COL4A3: variants seen among roughly 807,000 people sequenced by gnomAD.
COL4A3 encodes the protein collagen alpha-3(IV) chain.
In COL4A3, 135 loss-of-function variants were observed where a neutral mutation model predicts 217.4. The ratio of observed to expected loss-of-function variants is 0.62; its 90% CI spans 0.54 to 0.72. The LOEUF is 0.72. Ranked by LOEUF, COL4A3 falls within the 30% of genes least tolerant of loss-of-function variation. The probability of loss-of-function intolerance (pLI) is 0.00; values close to 1 mark genes in which losing one functional copy is unlikely to be tolerated. For missense variants in COL4A3, 1,868 were observed against 2,119.9 expected, an observed-to-expected ratio of 0.88 and a Z score of 2.33; for synonymous variants, 690 against 736.3, an observed-to-expected ratio of 0.94 and a Z score of 1.02.
rs2066941298 is a variant in COL4A3, at chr2:227,203,473, G to GTGTATACATATGTGTGTATATGTGTA, written c.88-34493_88-34468dup. ...TACATACATATATGTGTGTATATAT[G>GTGTATACATATGTGTGTATATGTGTA]TGTATACATATGTGTGTATATGTGT... On this transcript the variant is annotated intron_variant, in intron 1 of 51. Coordinates refer to ENST00000396578, the MANE Select transcript of COL4A3 (RefSeq NM_000091.5). 5.5e-5 allele frequency among the ~76,000 whole-genome samples: 2 copies of GTGTATACATATGTGTGTATATGTGTA among 36,530 alleles called. 1 individual carries two copies. Among genetic ancestry groups the GTGTATACATATGTGTGTATATGTGTA allele is most frequent in the Non-Finnish European group, 9.8e-5 (2 of 20,368 alleles). The allele number at this position is 36,530 out of a possible 152,430, so 24.0% of individuals were successfully genotyped here. A position where few individuals can be genotyped will look rare whatever the true frequency, so the allele number is the denominator to read the frequency against.
At chr2:227,311,673 C>A (rs1302584792) in intron 51 of COL4A3, 113 bp from the exon 52 acceptor site, 4 of 1,046,570 alleles carry the variant, frequency 3.8e-6, no homozygotes, top group South Asian at 2.8e-5. Flanking sequence ...CCACCACGCC[C>A]GACCCTGTAA....
At chr2:227,255,707 G>C (rs933820853) in intron 15 of COL4A3, among the ~76,000 whole-genome samples, 6 of 151,988 alleles carry the variant, frequency 3.9e-5, no homozygotes, top group Non-Finnish European at 8.8e-5. Flanking sequence ...TGCCCAGTGT[G>C]TGTGTGTTTT....
chr2:227,168,213 G>T (rs2065345487), intron 1 of COL4A3, among the ~76,000 whole-genome samples: 1 of 152,168 alleles, frequency 6.6e-6, no homozygotes. Flanking sequence ...ACTAGAATTT[G>T]AATTCCTAAG....
intron 1 of COL4A3, among the ~76,000 whole-genome samples, chr2:227,188,528 T>C (rs1214783195): frequency 6.6e-6 from 1 of 151,986 alleles, no homozygotes; most frequent in Non-Finnish European, 1.5e-5. Context: ...GTAACAGAGT[T>C]ACAGCAGTTT....
At chr2:227,288,545 G>A (rs1212760908) in intron 34 of COL4A3, among the ~76,000 whole-genome samples, 3 of 152,106 alleles carry the variant, frequency 2.0e-5, no homozygotes, top group Non-Finnish European at 4.4e-5. Context: ...CTGTGATTCT[G>A]GCCTTTGACT....
At chr2:227,286,049 G>C (rs1261510973) in intron 34 of COL4A3, among the ~76,000 whole-genome samples, 2 of 152,214 alleles carry the variant, frequency 1.3e-5, no homozygotes, top group East Asian at 3.8e-4. Flanking sequence ...AGGCTGCGTG[G>C]CAGACTTAGG....
At chr2:227,232,869 TA>T (rs2068484031) in intron 1 of COL4A3, among the ~76,000 whole-genome samples, 1 of 152,176 alleles carries the variant, frequency 6.6e-6, no homozygotes, top group Non-Finnish European at 1.5e-5. Context: ...AAAGATTTGA[TA>T]AAATGAAATT....
At chr2:227,288,087 T>C (rs1489239371) in intron 34 of COL4A3, among the ~76,000 whole-genome samples, 2 of 152,100 alleles carry the variant, frequency 1.3e-5, no homozygotes, top group South Asian at 2.1e-4. Flanking sequence ...GTAATAGAGA[T>C]TCAGTGACTA....
At chr2:227,175,233 A>G (rs924719478) in intron 1 of COL4A3, among the ~76,000 whole-genome samples, 1 of 152,196 alleles carries the variant, frequency 6.6e-6, no homozygotes, top group Admixed American at 6.5e-5. Flanking sequence ...GCACTTTGGG[A>G]GGCCAAGGTG....
intron 38 of COL4A3, chr2:227,293,794 T>C: frequency 2.1e-6 from 1 of 471,178 alleles, no homozygotes; most frequent in Non-Finnish European, 4.4e-6. Context: ...TGGTTTCTTG[T>C]GGGGCCCCTG....
Position 227,308,021 on chromosome 2 carries a change from T to C in COL4A3, c.4462+102T>C, listed in dbSNP as rs975372300. Reference sequence around the variant, plus strand: ...CTCTGAAGTTAAGTGTAAATAACCTTGAGTGTCTCCTGATACATTTTAAAG... The same window carrying C: ...CTCTGAAGTTAAGTGTAAATAACCTCGAGTGTCTCCTGATACATTTTAAAG... On this transcript the variant is annotated intron_variant, in intron 48 of 51. Coordinates refer to ENST00000396578, the MANE Select transcript of COL4A3 (RefSeq NM_000091.5). 23 of 979,542 alleles carry C rather than the reference T, an allele frequency of 2.3e-5. No individual in the cohort carries two copies. The Admixed American group carries it at 3.8e-4, about 16-fold the overall frequency. 60.7% of individuals were successfully genotyped at this position (979,542 alleles called of 1,614,324 possible). A position where few individuals can be genotyped will look rare whatever the true frequency, so the allele number is the denominator to read the frequency against.
chr2:227,282,371 G>A lies in COL4A3; in HGVS notation c.2495G>A (p.Arg832Lys). The A allele has an allele frequency of 1.9e-6, 3 of 1,612,034 alleles. No individual in the cohort carries two copies. Among genetic ancestry groups the A allele is most frequent in the Non-Finnish European group, 2.5e-6 (3 of 1,179,398 alleles). The change falls in exon 32 of 52, where the codon AGA becomes AAA. Residue 832 changes from arginine (R) to lysine (K), a missense_variant. By Grantham distance (26) the Arg-to-Lys change is conservative (BLOSUM62 2). Coordinates refer to ENST00000396578, the MANE Select transcript of COL4A3 (RefSeq NM_000091.5). This position sits in a 1 kb window ranked among gnomAD's most constrained non-coding sequence, Gnocchi z 4.4. ...LNGLKGQQGR[R>K]GKTGPKGDPG... ...TTCATTTATTCGTACACAGGCAGAAGAGGTAAAACGGGGCCAAAGGGAGAC... is the reference window on the plus strand; with the variant it reads ...TTCATTTATTCGTACACAGGCAGAAAAGGTAAAACGGGGCCAAAGGGAGAC...
At chr2:227,194,180 T>C (rs919304250) in intron 1 of COL4A3, among the ~76,000 whole-genome samples, 9 of 152,146 alleles carry the variant, frequency 5.9e-5, no homozygotes, top group African/African-American at 2.2e-4. Context: ...ATCATCAGCA[T>C]CCCAATAAGA....
In COL4A3 at chr2:227,248,484, A is replaced by C. The variant is rs774154890; in HGVS notation, c.510A>C (p.Lys170Asn). 5 of 1,613,210 alleles carry C rather than the reference A, an allele frequency of 3.1e-6. No homozygotes were observed. Among genetic ancestry groups the C allele is most frequent in the Non-Finnish European group, 2.5e-6 (3 of 1,179,442 alleles). Residue 170 changes from lysine (K) to asparagine (N), a missense_variant, in exon 9 of 52, where the codon AAA becomes AAC. Transcript: ENST00000396578. Reference sequence around the variant, plus strand: ...AAGAAGATATAGAACTTGATGCAAAAGGCGACCCCGGGTTGCCAGGGGCTC... The same window carrying C: ...AAGAAGATATAGAACTTGATGCAAACGGCGACCCCGGGTTGCCAGGGGCTC... ...AKEEDIELDA[K>N]GDPGLPGAPG...
intron 1 of COL4A3, among the ~76,000 whole-genome samples, chr2:227,203,798 C>T (rs2066987283): frequency 6.7e-6 from 1 of 150,118 alleles, no homozygotes; most frequent in Admixed American, 6.7e-5. Context: ...TATATATATA[C>T]ACTACAGTAG....
At chr2:227,294,143 C>CT (rs370388602) in intron 38 of COL4A3, 3 of 303,792 alleles carry the variant, frequency 9.9e-6, no homozygotes, top group African/African-American at 6.5e-5. Flanking sequence ...AACTGTGAAA[C>CT]TATCGGGTTG....
intron 1 of COL4A3, among the ~76,000 whole-genome samples, chr2:227,236,409 A>G (rs989853303): frequency 1.3e-5 from 2 of 150,578 alleles, no homozygotes; most frequent in Non-Finnish European, 3.0e-5. Context: ...TCAGTTAAAG[A>G]TACTCTTGTT....
At chr2:227,264,188 A>C (rs1559879264) in intron 21 of COL4A3, among the ~76,000 whole-genome samples, 1 of 152,224 alleles carries the variant, frequency 6.6e-6, no homozygotes, top group Non-Finnish European at 1.5e-5. Context: ...AGGGACAAAG[A>C]GAGTGATGTG....
chr2:227,306,653 T>A (rs149978284), intron 47 of COL4A3, among the ~76,000 whole-genome samples: 21 of 151,870 alleles, frequency 1.4e-4, no homozygotes, highest in Admixed American at 4.6e-4. Context: ...TCAGAGAAAA[T>A]TGAAAAAATG....
Sources: gnomAD v4.1 joint callset for allele counts (sites outside exome capture counted in the v4.1 genomes callset) on GRCh38, gnomAD v4.1.1 for gene constraint, Gnocchi (gnomAD v3.1) non-coding constraint, MANE v1.5 for transcripts, NCBI Gene and HGNC (gene_info 2026-07-23, HGNC 2026-07-21) for gene names.